Variants in MTOR observed in about 807,000 individuals in gnomAD.
MTOR encodes the protein serine/threonine-protein kinase mTOR.
MTOR carries 70 observed loss-of-function variants against 319.8 expected under a neutral mutation model. The ratio of observed to expected loss-of-function variants is 0.22; its 90% confidence interval spans 0.18 to 0.27. The LOEUF (loss-of-function observed/expected upper bound fraction) is 0.27, where lower values mean the gene tolerates loss of function less well. MTOR is among the 10% of genes least tolerant of loss of function. The probability of loss-of-function intolerance (pLI) is 1.00; values close to 1 mark genes in which losing one functional copy is unlikely to be tolerated. For synonymous variants in MTOR, 1,183 were observed against 1,211.4 expected (o/e 0.98, Z 0.49); for missense variants, 1,890 against 3,274.4 (o/e 0.58, Z 10.32).
chr1:11,206,412 G>T lies in MTOR; in HGVS notation c.3802-1709C>A, dbSNP rs554909064. On this transcript the variant is annotated intron_variant, in intron 25 of 57. Coordinates refer to ENST00000361445, the MANE Select transcript of MTOR (RefSeq NM_004958.4). ...GTCAAATCCCAGCTCCACCATTGAT[G>T]CTAGTTGACACTGGGCAAATTACTT... 2.2e-4 allele frequency among the ~76,000 whole-genome samples: 34 copies of T among 152,288 alleles called. 1 individual carries two copies. The South Asian group carries it at 7.1e-3, about 32-fold the overall frequency.
intron 28 of MTOR, among the ~76,000 whole-genome samples, chr1:11,186,335 AG>A (rs879910505): frequency 3.3e-5 from 5 of 152,144 alleles, no homozygotes; most frequent in Non-Finnish European, 7.4e-5. Flanking sequence ...GACCACCCCT[AG>A]GTGCTCCCCT....
chr1:11,130,614 C>T lies in MTOR; in HGVS notation c.5528G>A (p.Ser1843Asn). The T allele has an allele frequency of 3.7e-6, 6 of 1,613,974 alleles. No homozygotes were observed. The highest frequency in any genetic ancestry group is 5.1e-6 in the Non-Finnish European group (6 of 1,179,968). ...TTAATATTTA[S>N]TEGSNSESEA... ...GCTCTCACTGTTGCTGCCCTCGGTG[C>T]TGGCAGTGGTGGTGGCAGTGGCGGC... Residue 1843 changes from serine to asparagine, a missense_variant, in exon 39 of 58, where the codon AGC becomes AAC. Ser to Asn is a conservative substitution (Grantham distance 46). Coordinates refer to ENST00000361445, the MANE Select transcript of MTOR (RefSeq NM_004958.4).
At chr1:11,137,708 G>C (rs1643494553) in intron 36 of MTOR, among the ~76,000 whole-genome samples, 1 of 152,190 alleles carries the variant, frequency 6.6e-6, no homozygotes, top group South Asian at 2.1e-4. Flanking sequence ...CCTTGGCTCA[G>C]TGAAATTTTA....
intron 54 of MTOR, among the ~76,000 whole-genome samples, chr1:11,111,976 A>AAACG (rs1370394109): frequency 6.6e-6 from 1 of 151,602 alleles, no homozygotes; most frequent in African/African-American, 2.4e-5. Flanking sequence ...ACAAACAAAC[A>AAACG]AACAAAAAAA....
At chr1:11,177,387 G>C (rs554131189) in intron 28 of MTOR, among the ~76,000 whole-genome samples, 1 of 150,716 alleles carries the variant, frequency 6.6e-6, no homozygotes, top group Non-Finnish European at 1.5e-5. Context: ...GCAAGACTTC[G>C]AATCTACAAA....
intron 29 of MTOR, among the ~76,000 whole-genome samples, chr1:11,165,453 GACAA>G (rs1167826134): frequency 5.3e-5 from 8 of 151,882 alleles, no homozygotes; most frequent in South Asian, 4.2e-4. Flanking sequence ...ACCAATAACA[GACAA>G]ACAGAGAGCC....
chr1:11,243,987 C>T (rs1648452513), intron 8 of MTOR, among the ~76,000 whole-genome samples: 1 of 152,038 alleles, frequency 6.6e-6, no homozygotes, highest in Admixed American at 6.6e-5. Flanking sequence ...TGCACTCCAG[C>T]CTGGGCAACA....
chr1:11,193,813 C>G (rs766174913), intron 28 of MTOR: 65 of 1,602,414 alleles, frequency 4.1e-5, no homozygotes, highest in Non-Finnish European at 5.3e-5. Flanking sequence ...TGGACCAGTG[C>G]CACCACACAT....
At chr1:11,147,651 G>A (rs951607226) in intron 31 of MTOR, among the ~76,000 whole-genome samples, 2 of 152,264 alleles carry the variant, frequency 1.3e-5, no homozygotes, top group African/African-American at 2.4e-5. Flanking sequence ...AAAATGTTCC[G>A]GATCTAGCCC....
chr1:11,137,031 G>A (rs1183100223), intron 36 of MTOR, among the ~76,000 whole-genome samples: 3 of 150,608 alleles, frequency 2.0e-5, no homozygotes, highest in Non-Finnish European at 4.4e-5. Context: ...TAGTAGAGAC[G>A]GTGCTTCACC....
At chr1:11,172,763 G>A (rs1466077735) in intron 28 of MTOR, among the ~76,000 whole-genome samples, 1 of 151,482 alleles carries the variant, frequency 6.6e-6, no homozygotes, top group Non-Finnish European at 1.5e-5. Flanking sequence ...CAGCTACTCG[G>A]GAGGCTGAGG....
chr1:11,133,137 G>T lies in MTOR; in HGVS notation c.5307C>A (p.Ile1769=). The stretch of plus-strand genomic sequence containing the variant: ...CGCTGTAGTACTGCAGCACTTTGGG[G>T]ATTGTGCTCTCATTGATGCCCTGTA... ...LNLQGINEST[I]PKVLQYYSAA... is the part of the protein sequence containing the mutation. The change falls in exon 38 of 58, where the codon ATC becomes ATA. Residue 1769 remains isoleucine, a synonymous_variant. Coordinates refer to ENST00000361445, the MANE Select transcript of MTOR (RefSeq NM_004958.4). The surrounding 1 kb of genome is among the most constrained non-coding windows in gnomAD (Gnocchi z 4.0). 6.2e-7 allele frequency: 1 copy of T among 1,614,180 alleles called. No individual in the cohort carries two copies. Among genetic ancestry groups the T allele is most frequent in the South Asian group, 1.1e-5 (1 of 91,078 alleles).
chr1:11,213,224 G>C (rs1380996523), intron 21 of MTOR, among the ~76,000 whole-genome samples, 175 bp downstream of exon 21: 1 of 152,180 alleles, frequency 6.6e-6, no homozygotes, highest in Non-Finnish European at 1.5e-5. Flanking sequence ...ATAATCAAGA[G>C]AGGATTACAG....
intron 36 of MTOR, among the ~76,000 whole-genome samples, chr1:11,136,454 C>T (rs186750073): frequency 9.6e-4 from 146 of 152,318 alleles, no homozygotes; most frequent in African/African-American, 3.3e-3. Flanking sequence ...GCATCCCACA[C>T]TTGGGAAGTG....
At chr1:11,232,596 C>T (rs1356476152) in intron 15 of MTOR, 68 bp from the exon 16 acceptor site, 31 of 1,382,102 alleles carry the variant, frequency 2.2e-5, no homozygotes, top group African/African-American at 7.2e-5. Context: ...TTTTGGAGGC[C>T]GGGCACGGTG....
intron 28 of MTOR, among the ~76,000 whole-genome samples, chr1:11,184,498 T>G (rs116280432): frequency 2.0e-5 from 3 of 152,042 alleles, no homozygotes; most frequent in Admixed American, 6.6e-5. Context: ...CTTCGGGAGG[T>G]TGAGATGGGA....
chr1:11,256,852 A>G, intron 4 of MTOR, 81 bp downstream of exon 4: 1 of 1,357,562 alleles, frequency 7.4e-7, no homozygotes, highest in Non-Finnish European at 1.0e-6. Context: ...TTAAGGAATG[A>G]GCCTCAGAAG....
In MTOR at chr1:11,204,649, G is replaced by A. The variant is rs1571160370; in HGVS notation, c.3856C>T (p.Arg1286Trp). ...TCCTTCAGCAGCTCCAGGCTCAGCC[G>A]TCTCAGCCATTCCAGCCAGTCATCT... is the stretch of plus-strand genomic sequence containing the variant. Reference protein sequence around the residue: ...SKDDWLEWLRRLSLELLKDSS... With the variant: ...SKDDWLEWLRWLSLELLKDSS... The change falls in exon 26 of 58, where the codon CGG becomes TGG. Residue 1286 changes from arginine to tryptophan, a missense_variant. By Grantham distance (101) the Arg-to-Trp change is moderately radical. Coordinates refer to ENST00000361445, the MANE Select transcript of MTOR (RefSeq NM_004958.4). 1 of 1,614,108 alleles carries A rather than the reference G, an allele frequency of 6.2e-7. No individual in the cohort carries two copies. The highest frequency in any genetic ancestry group is 8.5e-7 in the Non-Finnish European group (1 of 1,180,028).
rs75136962 is a variant in MTOR at position 11,120,463 on chromosome 1, A to C, written c.6933+783T>G. Among the ~76,000 whole-genome samples the C allele has an allele frequency of 7.4e-3, 1,116 of 150,926 alleles. 43 individuals are homozygous for C. In the East Asian group the frequency reaches 0.087, roughly 12 times the overall value. ...TGAGGCAGGAGAATCGCTTGAACCC[A>C]GGGGGCAGAGGTTGCAGTGAGCCGA... On this transcript the variant is annotated intron_variant, in intron 49 of 57. Transcript: ENST00000361445.
Sources: gnomAD v4.1 joint callset for allele counts (sites outside exome capture counted in the v4.1 genomes callset) on GRCh38, gnomAD v4.1.1 for gene constraint, Gnocchi (gnomAD v3.1) non-coding constraint, MANE v1.5 for transcripts, NCBI Gene and HGNC (gene_info 2026-07-23, HGNC 2026-07-21) for gene names.